ZNF268: variants seen among roughly 807,000 people sequenced by gnomAD.
ZNF268 encodes the protein zinc finger protein 3.
ZNF268 carries 20 observed loss-of-function variants against 29.3 expected under a neutral mutation model. The observed-to-expected ratio is 0.68, with a 90% CI of 0.48 to 0.99. The LOEUF is 0.99. ZNF268 is among the 50% of genes least tolerant of loss of function. ZNF268 has a pLI of 0.00. For missense variants in ZNF268, 1,240 were observed against 1,121.6 expected (o/e 1.11, Z -1.51); for synonymous variants, 429 against 376.9 (o/e 1.14, Z -1.60).
Position 133,204,579 on chromosome 12 carries a change from CAT to C in ZNF268, c.*55_*56del, listed in dbSNP as rs1317739741. ...TGGATTCACAAGAGATAGAAACAAT[CAT>C]ATATAAAGAGAAACTCTGTAAGTGG... On this transcript the variant is annotated 3_prime_UTR_variant, in exon 6 of 6. Coordinates refer to ENST00000536435, the MANE Select transcript of ZNF268 (RefSeq NM_003415.3). The C allele has an allele frequency of 4.5e-6, 6 of 1,330,590 alleles. No homozygotes were observed. The African/African-American group carries it at 5.9e-5, about 13-fold the overall frequency. The allele number at this position is 1,330,590 out of a possible 1,614,324, so 82.4% of individuals were successfully genotyped here.
chr12:133,181,964 A>G lies in ZNF268; in HGVS notation c.-34A>G, dbSNP rs757021769. 9 of 1,557,528 alleles carry G rather than the reference A, an allele frequency of 5.8e-6. No homozygotes were observed. The highest frequency in any genetic ancestry group is 7.0e-6 in the Non-Finnish European group (8 of 1,150,296). On this transcript the variant is annotated 5_prime_UTR_variant, in exon 2 of 6. Coordinates refer to ENST00000536435, the MANE Select transcript of ZNF268 (RefSeq NM_003415.3). ...CTTCTAGCATCCCTCGCGTCCTGTC[A>G]CTTCCAGCGAGGCACACAAAACTGA...
At chr12:133,193,059 C>T (rs1429754904) in intron 5 of ZNF268, among the ~76,000 whole-genome samples, 1 of 152,204 alleles carries the variant, frequency 6.6e-6, no homozygotes, top group Admixed American at 6.5e-5. Context: ...TGATCCTGCT[C>T]TTCTGCTGCA....
At chr12:133,184,686 T>C (rs1274245010) in intron 2 of ZNF268, 3 of 451,962 alleles carry the variant, frequency 6.6e-6, no homozygotes, top group Non-Finnish European at 1.3e-5. Context: ...TGGCTATCTC[T>C]GCTCACCACA....
chr12:133,202,635 T>C lies in ZNF268; in HGVS notation c.949T>C (p.Ser317Pro), dbSNP rs768900383. 1 of 1,605,244 alleles carries C rather than the reference T, an allele frequency of 6.2e-7. No homozygotes were observed. The highest frequency in any genetic ancestry group is 2.2e-5 in the East Asian group (1 of 44,670). The change falls in exon 6 of 6, where the codon TCA becomes CCA. Residue 317 changes from serine to proline, a missense_variant. Ser to Pro is a moderately conservative substitution (Grantham distance 74, BLOSUM62 -1). This residue lies in a region of ZNF268 where 1,177 missense variants were observed against 1,039.6 expected (regional missense o/e 1.13). Coordinates refer to ENST00000536435, the MANE Select transcript of ZNF268 (RefSeq NM_003415.3). ...ATGTGGGAAAGACTTCAGTAGTAAA[T>C]CATACCTCATTGTACATCAGAGAAT... ...NECGKDFSSK[S>P]YLIVHQRIHT...
rs188576250 is a variant in ZNF268 at position 133,182,681 on chromosome 12, A to G, written c.33+651A>G. 3.9e-3 allele frequency among the ~76,000 whole-genome samples: 589 copies of G among 152,338 alleles called. 5 individuals are homozygous for G. The highest frequency in any genetic ancestry group is 0.014 in the Middle Eastern group (4 of 292). ...GAAAGATGACAAACCTAAAGTAGAC[A>G]AAGGATTAAAACCAGCCTAGGAAAA... On this transcript the variant is annotated intron_variant, in intron 2 of 5. Coordinates refer to ENST00000536435, the MANE Select transcript of ZNF268 (RefSeq NM_003415.3).
chr12:133,203,344 A>G lies in ZNF268; in HGVS notation c.1658A>G (p.Glu553Gly), dbSNP rs1293601649. The stretch of plus-strand genomic sequence containing the variant: ...ATACATCAGAGGATTCATACAGGAG[A>G]GAACCCCTATGAATGCCATGAATGT... ...LIIHQRIHTG[E>G]NPYECHECGK... is the part of the protein sequence containing the mutation. The change falls in exon 6 of 6, where the codon GAG becomes GGG. Residue 553 changes from glutamate to glycine, a missense_variant. Around this residue, in one of 3 missense-constraint regions of ZNF268, gnomAD observed 1,177 missense variants for 1,039.6 expected, o/e 1.13. Coordinates refer to ENST00000536435, the MANE Select transcript of ZNF268 (RefSeq NM_003415.3). The G allele has an allele frequency of 3.9e-6, 6 of 1,547,752 alleles. No homozygotes were observed. Among genetic ancestry groups the G allele is most frequent in the Non-Finnish European group, 5.2e-6 (6 of 1,150,948 alleles).
intron 5 of ZNF268, 105 bp downstream of exon 5, chr12:133,192,108 T>A: frequency 4.7e-5 from 4 of 85,842 alleles, no homozygotes; most frequent in Non-Finnish European, 8.2e-5. Flanking sequence ...TACCATGCAC[T>A]TTTTTTTTTT....
intron 2 of ZNF268, among the ~76,000 whole-genome samples, chr12:133,187,197 C>T (rs1050037314): frequency 1.3e-5 from 2 of 152,006 alleles, no homozygotes; most frequent in Admixed American, 6.6e-5. Flanking sequence ...GCTTTCCCCA[C>T]TTTTCACCTG....
intron 5 of ZNF268, among the ~76,000 whole-genome samples, chr12:133,199,247 G>A (rs951798103): frequency 5.9e-5 from 9 of 152,108 alleles, no homozygotes; most frequent in African/African-American, 2.2e-4. Context: ...TAGCATGAAG[G>A]GTTGTTGAAT....
At position 133,209,309 on chromosome 12, in the gene ZNF268, T is replaced by C. The variant is rs542362324; in HGVS notation, c.*4779T>C. 1 of 152,286 alleles carries C rather than the reference T, an allele frequency of 6.6e-6. No individual in the cohort carries two copies. Among genetic ancestry groups the C allele is most frequent in the South Asian group, 2.1e-4 (1 of 4,820 alleles). The allele number at this position is 152,286 out of a possible 1,614,324, so 9.4% of individuals were successfully genotyped here. A position where few individuals can be genotyped will look rare whatever the true frequency, so the allele number is the denominator to read the frequency against. ...TTCTTGTAGAGATGGGGTTTTACCA[T>C]GTTTTCCAGTCTGGTTTCAAACTCC... On this transcript the variant is annotated 3_prime_UTR_variant, in exon 6 of 6. Coordinates refer to ENST00000536435, the MANE Select transcript of ZNF268 (RefSeq NM_003415.3).
chr12:133,202,847 A>T lies in ZNF268; in HGVS notation c.1161A>T (p.Pro387=). ...AGAAAACTCATTCAGGACAGAAACCATATGTGTGTAATGAATGTGGGAAAG... is the reference window on the plus strand; with the variant it reads ...AGAAAACTCATTCAGGACAGAAACCTTATGTGTGTAATGAATGTGGGAAAG... ...SHQKTHSGQK[P]YVCNECGKAF... Residue 387 remains proline, a synonymous_variant, in exon 6 of 6, where the codon CCA becomes CCT. Coordinates refer to ENST00000536435, the MANE Select transcript of ZNF268 (RefSeq NM_003415.3). 6.3e-7 allele frequency: 1 copy of T among 1,585,470 alleles called. No individual in the cohort carries two copies.
intron 5 of ZNF268, among the ~76,000 whole-genome samples, chr12:133,192,864 T>G (rs534248074): frequency 6.6e-6 from 1 of 152,284 alleles, no homozygotes; most frequent in East Asian, 1.9e-4. Context: ...TTTCACCACA[T>G]TAGACAGGAT....
At chr12:133,193,429 T>G (rs1956520986) in intron 5 of ZNF268, 1 of 673,234 alleles carries the variant, frequency 1.5e-6, no homozygotes, top group Non-Finnish European at 2.7e-6. Flanking sequence ...TTCTCACAGT[T>G]TTGAAGGCTG....
In ZNF268 at chr12:133,214,094, A is replaced by G. The variant is rs2135540830; in HGVS notation, c.*9564A>G. On this transcript the variant is annotated 3_prime_UTR_variant, in exon 6 of 6. Coordinates refer to ENST00000536435, the MANE Select transcript of ZNF268 (RefSeq NM_003415.3). ...AAGAACTCTTACAACCCAACAACAA[A>G]AAGACAACCCAATATCAAAATGGGC... The G allele has an allele frequency of 6.6e-6, 1 of 152,368 alleles. No individual in the cohort carries two copies. Among genetic ancestry groups the G allele is most frequent in the South Asian group, 2.1e-4 (1 of 4,828 alleles). 9.4% of individuals were successfully genotyped at this position (152,368 alleles called of 1,614,324 possible). A position where few individuals can be genotyped will look rare whatever the true frequency, so the allele number is the denominator to read the frequency against.
In ZNF268 at chr12:133,191,911, A is replaced by G. The variant is rs753133690; in HGVS notation, c.365A>G (p.Tyr122Cys). 5 of 1,614,002 alleles carry G rather than the reference A, an allele frequency of 3.1e-6. No homozygotes were observed. The highest frequency in any genetic ancestry group is 4.2e-6 in the Non-Finnish European group (5 of 1,179,898). The change falls in exon 5 of 6, where the codon TAC becomes TGC. Residue 122 changes from tyrosine to cysteine, a missense_variant. Physicochemically the swap from Tyr to Cys is radical, Grantham distance 194. Transcript: ENST00000536435. ...TCTGTGATTTTTCTATTTATAGGGTACCAACACACCAAACCTGATATCATC... is the reference window on the plus strand; with the variant it reads ...TCTGTGATTTTTCTATTTATAGGGTGCCAACACACCAAACCTGATATCATC... ...ENYSNLVSLG[Y>C]QHTKPDIIFK...
At position 133,205,502 on chromosome 12, in the gene ZNF268, CTGACAATATCTCTGATA is replaced by C. The variant is rs1220088383; in HGVS notation, c.*983_*999del. 6.6e-6 allele frequency: 1 copy of C among 152,096 alleles called. No individual in the cohort carries two copies. Among genetic ancestry groups the C allele is most frequent in the Non-Finnish European group, 1.5e-5 (1 of 68,000 alleles). 9.4% of individuals were successfully genotyped at this position (152,096 alleles called of 1,614,324 possible). ...TCCAGAGATTTCAGTATCTCTGATA[CTGACAATATCTCTGATA>C]TGACAATATCATCTTCCAGAGATTT... On this transcript the variant is annotated 3_prime_UTR_variant, in exon 6 of 6. Transcript: ENST00000536435.
At chr12:133,186,373 C>T (rs1433071161) in intron 2 of ZNF268, among the ~76,000 whole-genome samples, 1 of 151,394 alleles carries the variant, frequency 6.6e-6, no homozygotes, top group African/African-American at 2.4e-5. Flanking sequence ...TGTTGGTCTC[C>T]AGGGAATAAT....
intron 5 of ZNF268, chr12:133,193,642 C>T (rs561685813): frequency 8.7e-6 from 4 of 460,096 alleles, no homozygotes; most frequent in East Asian, 3.3e-5. Flanking sequence ...TTAATCTTCT[C>T]TTAATACCAC....
rs894383322 is a variant in ZNF268 at position 133,214,487 on chromosome 12, T to G, written c.*9957T>G. ...GAGTTCAAGTCCAGTCTGGGCAGCA[T>G]AGCAAGACTCCATGTCTACAAAGAT... On this transcript the variant is annotated 3_prime_UTR_variant, in exon 6 of 6. Coordinates refer to ENST00000536435, the MANE Select transcript of ZNF268 (RefSeq NM_003415.3). 6.6e-6 allele frequency: 1 copy of G among 152,174 alleles called. No homozygotes were observed. Among genetic ancestry groups the G allele is most frequent in the African/African-American group, 2.4e-5 (1 of 41,412 alleles). 9.4% of individuals were successfully genotyped at this position (152,174 alleles called of 1,614,324 possible).
Sources: gnomAD v4.1 joint callset for allele counts (sites outside exome capture counted in the v4.1 genomes callset) on GRCh38, gnomAD v4.1.1 for gene constraint, gnomAD v4.1.1 regional missense constraint, MANE v1.5 for transcripts, NCBI Gene and HGNC (gene_info 2026-07-23, HGNC 2026-07-21) for gene names.